Variants in TNFRSF19 observed in about 807,000 individuals in gnomAD.
The protein encoded by TNFRSF19 is tumor necrosis factor receptor superfamily member 19.
In TNFRSF19, 27 loss-of-function variants were observed where a neutral mutation model predicts 46.4. That is an observed-to-expected ratio of 0.58 (90% CI 0.43 to 0.80). TNFRSF19 has a LOEUF of 0.80. Among genes scored for constraint, TNFRSF19 ranks in the 30% least tolerant of loss-of-function variants. The pLI is 0.00. For missense variants in TNFRSF19, 511 were observed against 530.8 expected (o/e 0.96, Z 0.37); for synonymous variants, 204 against 205.0 (o/e 1.00, Z 0.04).
intron 3 of TNFRSF19, among the ~76,000 whole-genome samples, chr13:23,613,980 A>C (rs1020220702): frequency 6.6e-6 from 1 of 152,202 alleles, no homozygotes; most frequent in Non-Finnish European, 1.5e-5. Flanking sequence ...GAACTGTAAA[A>C]CTTGAGACCA....
intron 9 of TNFRSF19, among the ~76,000 whole-genome samples, chr13:23,670,581 T>C (rs1216534900): frequency 6.6e-6 from 1 of 152,220 alleles, no homozygotes; most frequent in Non-Finnish European, 1.5e-5. Flanking sequence ...TGTAAAATTG[T>C]TATGATAATA....
At chr13:23,601,954 A>G (rs1358577354) in intron 3 of TNFRSF19, among the ~76,000 whole-genome samples, 1 of 152,202 alleles carries the variant, frequency 6.6e-6, no homozygotes, top group African/African-American at 2.4e-5. Flanking sequence ...TGTGGAAGAC[A>G]GAAATAAGAA....
intron 4 of TNFRSF19, among the ~76,000 whole-genome samples, chr13:23,619,908 C>T (rs1434439677): frequency 3.9e-5 from 6 of 152,198 alleles, no homozygotes; most frequent in Non-Finnish European, 8.8e-5. Flanking sequence ...CTCCACCGTG[C>T]CTGGTTCCTC....
chr13:23,577,973 TGG>T (rs1216956382), intron 1 of TNFRSF19, among the ~76,000 whole-genome samples: 4 of 152,088 alleles, frequency 2.6e-5, no homozygotes, highest in African/African-American at 9.6e-5. Flanking sequence ...AAGGAGGTGG[TGG>T]GCACCAAGAC....
chr13:23,667,947 C>A, intron 7 of TNFRSF19, 33 bp from the exon 8 acceptor site: 1 of 1,527,770 alleles, frequency 6.5e-7, no homozygotes, highest in Non-Finnish European at 8.8e-7. Flanking sequence ...CAGAAGGAGG[C>A]ACTGTGCTTC....
chr13:23,655,165 T>C (rs1350007093), intron 5 of TNFRSF19, among the ~76,000 whole-genome samples: 2 of 152,244 alleles, frequency 1.3e-5, no homozygotes, highest in Non-Finnish European at 2.9e-5. Flanking sequence ...CATTTCCTTT[T>C]CTTCTATTCA....
At chr13:23,655,263 C>T (rs1336887485) in intron 5 of TNFRSF19, among the ~76,000 whole-genome samples, 1 of 152,042 alleles carries the variant, frequency 6.6e-6, no homozygotes, top group African/African-American at 2.4e-5. Context: ...AGTTGAACTC[C>T]TAAGGAGATG....
chr13:23,665,611 C>A (rs899056787), intron 7 of TNFRSF19, among the ~76,000 whole-genome samples: 1 of 151,548 alleles, frequency 6.6e-6, no homozygotes, highest in Non-Finnish European at 1.5e-5. Context: ...TTGCTTTATC[C>A]CCTCTCTCTC....
chr13:23,667,148 T>C (rs2138412924), intron 7 of TNFRSF19, among the ~76,000 whole-genome samples: 1 of 150,340 alleles, frequency 6.7e-6, no homozygotes, highest in African/African-American at 2.4e-5. Flanking sequence ...TATGTATGTA[T>C]AGACAGAGTG....
chr13:23,667,728 C>T (rs772218266), intron 7 of TNFRSF19, among the ~76,000 whole-genome samples: 10 of 152,128 alleles, frequency 6.6e-5, no homozygotes, highest in African/African-American at 9.7e-5. Flanking sequence ...AGCTCCTGGT[C>T]TCCCCATTGC....
At chr13:23,595,062 G>A (rs1879617142) in intron 3 of TNFRSF19, among the ~76,000 whole-genome samples, 1 of 151,842 alleles carries the variant, frequency 6.6e-6, no homozygotes, top group Non-Finnish European at 1.5e-5. Flanking sequence ...GAAAGGAATA[G>A]CATCAACAAA....
Position 23,659,258 on chromosome 13 carries a change from G to A in TNFRSF19, c.610+44G>A. The stretch of plus-strand genomic sequence containing the variant: ...ACATTTCTTAGCATTTAGGGGAAGG[G>A]CATTTATTACTATTGTCGTGCAAGT... On this transcript the variant is annotated intron_variant, in intron 6 of 9. Coordinates refer to ENST00000248484, the MANE Select transcript of TNFRSF19 (RefSeq NM_148957.4). This position sits in a 1 kb window ranked among gnomAD's most constrained non-coding sequence, Gnocchi z 4.9. The A allele has an allele frequency of 6.4e-7, 1 of 1,565,954 alleles. No individual in the cohort carries two copies. The highest frequency in any genetic ancestry group is 8.7e-7 in the Non-Finnish European group (1 of 1,151,586).
chr13:23,629,300 G>A (rs960805522), intron 5 of TNFRSF19, among the ~76,000 whole-genome samples: 3 of 152,210 alleles, frequency 2.0e-5, no homozygotes, highest in Admixed American at 6.5e-5. Flanking sequence ...GGGGGTCCCA[G>A]GTGGCTCGGA....
At chr13:23,596,571 C>T (rs1879743853) in intron 3 of TNFRSF19, among the ~76,000 whole-genome samples, 3 of 152,092 alleles carry the variant, frequency 2.0e-5, no homozygotes, top group African/African-American at 4.8e-5. Flanking sequence ...TATTTATGCA[C>T]CCAATACAGG....
chr13:23,671,418 C>T (rs970470703), intron 9 of TNFRSF19, among the ~76,000 whole-genome samples: 1 of 151,686 alleles, frequency 6.6e-6, no homozygotes, highest in African/African-American at 2.4e-5. Context: ...AAAAAGGAAG[C>T]GTTAAAATAT....
chr13:23,622,169 C>T (rs150884443), intron 4 of TNFRSF19, among the ~76,000 whole-genome samples: 5,558 of 151,984 alleles, frequency 0.037, 139 homozygotes, highest in African/African-American at 0.064. Flanking sequence ...TTTGGGAGGC[C>T]GAGGATGGTA....
At chr13:23,649,008 T>G (rs943207912) in intron 5 of TNFRSF19, among the ~76,000 whole-genome samples, 4 of 152,208 alleles carry the variant, frequency 2.6e-5, no homozygotes, top group African/African-American at 9.6e-5. Context: ...TGTCTCTATC[T>G]TTATAAGGGA....
intron 3 of TNFRSF19, 34 bp downstream of exon 3, chr13:23,593,489 TG>T: frequency 7.0e-7 from 1 of 1,420,222 alleles, no homozygotes; most frequent in Non-Finnish European, 9.8e-7. Context: ...TGTGTATCTG[TG>T]TTTGTAAAAT....
intron 1 of TNFRSF19, among the ~76,000 whole-genome samples, chr13:23,571,871 TG>T (rs903513223): frequency 2.1e-4 from 32 of 151,690 alleles, no homozygotes; most frequent in South Asian, 8.3e-4. Context: ...TTGTTCGCGA[TG>T]TTTTTTTTTT....
Sources: gnomAD v4.1 joint callset for allele counts (sites outside exome capture counted in the v4.1 genomes callset) on GRCh38, gnomAD v4.1.1 for gene constraint, Gnocchi (gnomAD v3.1) non-coding constraint, MANE v1.5 for transcripts, NCBI Gene and HGNC (gene_info 2026-07-23, HGNC 2026-07-21) for gene names.